Variants in POLR2D observed in about 807,000 individuals in gnomAD.
POLR2D encodes DNA-directed RNA polymerase II subunit RPB4.
POLR2D carries 10 observed loss-of-function variants against 17.6 expected under a neutral mutation model. The ratio of observed to expected loss-of-function variants is 0.57; its 90% CI spans 0.35 to 0.96. POLR2D has a LOEUF of 0.96. Among genes scored for constraint, POLR2D ranks in the 40% least tolerant of loss-of-function variants. The probability of loss-of-function intolerance (pLI) is 0.02; values close to 1 mark genes in which losing one functional copy is unlikely to be tolerated. For synonymous variants in POLR2D, 52 were observed against 60.2 expected (o/e 0.86, Z 0.63); for missense variants, 126 against 176.4 (o/e 0.71, Z 1.62).
rs1192276335 is a variant in POLR2D, at chr2:127,858,110, G to A, written c.-10C>T. The stretch of plus-strand genomic sequence containing the variant: ...TGCCACCCGCCGCCATCGCCGCGCC[G>A]CGCCGCGCGCCACCACCAGCGCCGC... On this transcript the variant is annotated 5_prime_UTR_variant, in exon 1 of 4. Transcript: ENST00000272645. The A allele has an allele frequency of 6.1e-6, 9 of 1,479,930 alleles. No homozygotes were observed. The highest frequency in any genetic ancestry group is 1.5e-5 in the African/African-American group (1 of 68,300). 91.7% of individuals were successfully genotyped at this position (1,479,930 alleles called of 1,614,324 possible). A position where few individuals can be genotyped will look rare whatever the true frequency, so the allele number is the denominator to read the frequency against.
intron 1 of POLR2D, among the ~76,000 whole-genome samples, chr2:127,857,488 C>T (rs1258715230): frequency 1.3e-5 from 2 of 152,228 alleles, no homozygotes; most frequent in Non-Finnish European, 1.5e-5. Flanking sequence ...GAAGATAGGA[C>T]TCTGTCTCTC....
chr2:127,849,078 C>T (rs1348626416), intron 3 of POLR2D, among the ~76,000 whole-genome samples: 1 of 150,990 alleles, frequency 6.6e-6, no homozygotes, highest in Non-Finnish European at 1.5e-5. Flanking sequence ...CAGAGTGTCG[C>T]TCTATTGCCA....
Position 127,857,781 on chromosome 2 carries a change from CTTTG to C in POLR2D, c.73+243_73+246del, listed in dbSNP as rs567433093. 822 of 1,291,858 alleles carry C rather than the reference CTTTG, an allele frequency of 6.4e-4. 7 individuals are homozygous for C. The highest frequency in any genetic ancestry group is 5.9e-4 in the Admixed American group (14 of 23,566). The allele number at this position is 1,291,858 out of a possible 1,614,324, so 80.0% of individuals were successfully genotyped here. ...CTGTCCTTACCACCTGAGTGTCCGG[CTTTG>C]TTTATCTTTGACACAGGTCCCCGGA... On this transcript the variant is annotated intron_variant, in intron 1 of 3. Coordinates refer to ENST00000272645, the MANE Select transcript of POLR2D (RefSeq NM_004805.4).
In POLR2D at chr2:127,848,059, G is replaced by A. The variant is rs371001164; in HGVS notation, c.*48C>T. On this transcript the variant is annotated 3_prime_UTR_variant, in exon 4 of 4. Transcript: ENST00000272645. ...CAGCCCCAGACAGTGGGAAGGTGGT[G>A]TTATGCCTGGGGATGTGGTTTCTCC... The A allele has an allele frequency of 8.2e-7, 1 of 1,224,074 alleles. No individual in the cohort carries two copies. The allele number at this position is 1,224,074 out of a possible 1,614,324, so 75.8% of individuals were successfully genotyped here.
chr2:127,849,014 G>A (rs1170381649), intron 3 of POLR2D, among the ~76,000 whole-genome samples: 1 of 151,900 alleles, frequency 6.6e-6, no homozygotes, highest in Non-Finnish European at 1.5e-5. Flanking sequence ...ACCTCCCAAA[G>A]TGCTGGGATG....
intron 3 of POLR2D, among the ~76,000 whole-genome samples, chr2:127,849,161 C>T (rs908777792): frequency 5.3e-5 from 8 of 152,122 alleles, no homozygotes; most frequent in African/African-American, 1.7e-4. Flanking sequence ...TCCCCTACTT[C>T]AGCCTCCCGA....
intron 3 of POLR2D, 98 bp from the exon 4 acceptor site, chr2:127,848,283 C>T: frequency 1.5e-6 from 1 of 669,256 alleles, no homozygotes; most frequent in Non-Finnish European, 2.6e-6. Context: ...TCTCTAACAC[C>T]TTTACCTTTC....
intron 1 of POLR2D, among the ~76,000 whole-genome samples, chr2:127,855,815 A>G: frequency 6.6e-6 from 1 of 152,226 alleles, no homozygotes; most frequent in Middle Eastern, 3.2e-3. Flanking sequence ...ACACACACAC[A>G]CACACACAAT....
chr2:127,851,631 C>T (rs1268226873), intron 2 of POLR2D, among the ~76,000 whole-genome samples: 1 of 152,028 alleles, frequency 6.6e-6, no homozygotes, highest in Non-Finnish European at 1.5e-5. Context: ...TTGACATGTT[C>T]CTAATACATA....
chr2:127,852,803 G>C lies in POLR2D; in HGVS notation c.254+122C>G, dbSNP rs1230574093. The C allele has an allele frequency of 7.5e-5, 56 of 744,524 alleles. No homozygotes were observed. Among genetic ancestry groups the C allele is most frequent in the Non-Finnish European group, 4.6e-6 (2 of 436,184 alleles). 46.1% of individuals were successfully genotyped at this position (744,524 alleles called of 1,614,324 possible). ...CAAAGTGCTGGGTGTGAGCCACCAT[G>C]CCCAGCCTAACATTATTTTACTTAA... On this transcript the variant is annotated intron_variant, in intron 2 of 3. Transcript: ENST00000272645. The surrounding 1 kb of genome is among the most constrained non-coding windows in gnomAD (Gnocchi z 4.0).
chr2:127,856,543 C>T (rs1024038045), intron 1 of POLR2D, among the ~76,000 whole-genome samples: 7 of 150,328 alleles, frequency 4.7e-5, no homozygotes, highest in Non-Finnish European at 8.9e-5. Flanking sequence ...GCCGAGATCA[C>T]ATCACTGCAC....
intron 1 of POLR2D, among the ~76,000 whole-genome samples, chr2:127,854,803 T>C (rs920066604): frequency 3.9e-5 from 6 of 152,160 alleles, no homozygotes; most frequent in African/African-American, 1.4e-4. Context: ...TTCAGTCTTC[T>C]AGCCTATAAC....
intron 2 of POLR2D, among the ~76,000 whole-genome samples, chr2:127,851,084 A>G (rs1055439915): frequency 2.0e-5 from 3 of 151,990 alleles, no homozygotes; most frequent in Non-Finnish European, 4.4e-5. Context: ...AGCTGGGTGC[A>G]GTGGCGGGCT....
rs559123781 is a variant in POLR2D at position 127,852,860 on chromosome 2, G to T, written c.254+65C>A. The T allele has an allele frequency of 4.5e-5, 49 of 1,094,160 alleles. No homozygotes were observed. In the East Asian group the frequency reaches 1.1e-3, roughly 25 times the overall value. The allele number at this position is 1,094,160 out of a possible 1,614,324, so 67.8% of individuals were successfully genotyped here. On this transcript the variant is annotated intron_variant, in intron 2 of 3. Coordinates refer to ENST00000272645, the MANE Select transcript of POLR2D (RefSeq NM_004805.4). This position sits in a 1 kb window ranked among gnomAD's most constrained non-coding sequence, Gnocchi z 4.0. ...AAGTGACACCTGGGAAAGGGGGAGG[G>T]GACAGCATTCTACATGCAGTTGTCC...
rs541714750 is a variant in POLR2D, at chr2:127,852,641, C to T, written c.254+284G>A. Reference sequence around the variant, plus strand: ...ACAGATTCAAGCGATTCTCCCGCCTCGGCCTCCTGAGCAGCTAGGATTAAT... The same window carrying T: ...ACAGATTCAAGCGATTCTCCCGCCTTGGCCTCCTGAGCAGCTAGGATTAAT... On this transcript the variant is annotated intron_variant, in intron 2 of 3. Coordinates refer to ENST00000272645, the MANE Select transcript of POLR2D (RefSeq NM_004805.4). The surrounding 1 kb of genome is among the most constrained non-coding windows in gnomAD (Gnocchi z 4.0). Among the ~76,000 whole-genome samples, 25 of 152,306 alleles carry T rather than the reference C, an allele frequency of 1.6e-4. No individual in the cohort carries two copies. The highest frequency in any genetic ancestry group is 5.1e-4 in the African/African-American group (21 of 41,570).
Position 127,846,628 on chromosome 2 carries a change from G to A in POLR2D, c.*1479C>T, listed in dbSNP as rs977661995. 6.6e-6 allele frequency: 1 copy of A among 151,690 alleles called. No homozygotes were observed. The highest frequency in any genetic ancestry group is 6.6e-5 in the Admixed American group (1 of 15,230). The allele number at this position is 151,690 out of a possible 1,614,324, so 9.4% of individuals were successfully genotyped here. On this transcript the variant is annotated 3_prime_UTR_variant, in exon 4 of 4. Coordinates refer to ENST00000272645, the MANE Select transcript of POLR2D (RefSeq NM_004805.4). ...GACTTCAAAGTGTTCAGAACTTCAA[G>A]CCTGGCCTATGAAGTAAAAAAAAAA...
chr2:127,857,395 C>G (rs1690354914), intron 1 of POLR2D, among the ~76,000 whole-genome samples: 1 of 152,126 alleles, frequency 6.6e-6, no homozygotes, highest in Non-Finnish European at 1.5e-5. Context: ...GACCTCATCC[C>G]TAGGAATACC....
chr2:127,854,196 C>T (rs1382461418), intron 1 of POLR2D, among the ~76,000 whole-genome samples: 1 of 152,184 alleles, frequency 6.6e-6, no homozygotes, highest in Non-Finnish European at 1.5e-5. Context: ...CCCATGGCCC[C>T]TTTTCATAAT....
chr2:127,849,489 T>G (rs1020715021), intron 3 of POLR2D, among the ~76,000 whole-genome samples: 1 of 152,232 alleles, frequency 6.6e-6, no homozygotes, highest in Non-Finnish European at 1.5e-5. Flanking sequence ...GCCATACATA[T>G]TTTTATACTC....
Sources: gnomAD v4.1 joint callset for allele counts (sites outside exome capture counted in the v4.1 genomes callset) on GRCh38, gnomAD v4.1.1 for gene constraint, Gnocchi (gnomAD v3.1) non-coding constraint, MANE v1.5 for transcripts, NCBI Gene and HGNC (gene_info 2026-07-23, HGNC 2026-07-21) for gene names.